The following RPS6KA2 variants were observed in gnomAD, a reference collection of about 807,000 sequenced individuals.
RPS6KA2 encodes the protein ribosomal protein S6 kinase alpha-2.
In RPS6KA2, 42 loss-of-function variants were observed where a neutral mutation model predicts 91.8. That is an observed-to-expected ratio of 0.46 (90% CI 0.36 to 0.59). RPS6KA2 has a LOEUF of 0.59. Among genes scored for constraint, RPS6KA2 ranks in the 20% least tolerant of loss-of-function variants. RPS6KA2 has a pLI of 0.00. For synonymous variants in RPS6KA2, 414 were observed against 393.6 expected (o/e 1.05, Z -0.61); for missense variants, 798 against 978.5 (o/e 0.82, Z 2.46).
chr6:166,556,080 G>A (rs57647994), intron 1 of RPS6KA2, among the ~76,000 whole-genome samples: 7,683 of 152,240 alleles, frequency 0.05, 657 homozygotes, highest in African/African-American at 0.17. Context: ...TAATCCAGGG[G>A]TTATCCATAT....
At chr6:166,618,854 G>A (rs1195019261) in intron 1 of RPS6KA2, among the ~76,000 whole-genome samples, 3 of 152,226 alleles carry the variant, frequency 2.0e-5, no homozygotes, top group Non-Finnish European at 4.4e-5. Context: ...GCAGTACGAC[G>A]CGCTCAGGAA....
chr6:166,652,196 G>A (rs563305254), intron 2 of RPS6KA2, among the ~76,000 whole-genome samples: 18 of 152,326 alleles, frequency 1.2e-4, no homozygotes, highest in African/African-American at 2.9e-4. Flanking sequence ...TGAGCCATTC[G>A]CGGGTATTAT....
At chr6:166,765,202 T>C (rs1778279083) in intron 2 of RPS6KA2, among the ~76,000 whole-genome samples, 5 of 152,186 alleles carry the variant, frequency 3.3e-5, no homozygotes. Flanking sequence ...GTGTGCAGCA[T>C]CTCTGGACTC....
At chr6:166,531,470 C>T (rs751537651) in intron 2 of RPS6KA2, among the ~76,000 whole-genome samples, 157 bp from the exon 3 acceptor site, 7 of 152,188 alleles carry the variant, frequency 4.6e-5, no homozygotes, top group East Asian at 1.9e-4. Flanking sequence ...TCAAGGCTGC[C>T]GGAAAATGCT....
At chr6:166,506,741 C>T (rs1562541966) in intron 5 of RPS6KA2, among the ~76,000 whole-genome samples, 2 of 151,898 alleles carry the variant, frequency 1.3e-5, no homozygotes, top group Non-Finnish European at 2.9e-5. Flanking sequence ...TCATTTGGGG[C>T]TTTGTGCAAG....
chr6:166,441,977 G>A (rs966412520), intron 14 of RPS6KA2, among the ~76,000 whole-genome samples: 1 of 152,188 alleles, frequency 6.6e-6, no homozygotes, highest in African/African-American at 2.4e-5. Context: ...TCCGGCTGCC[G>A]CTCAGCACTT....
intron 1 of RPS6KA2, among the ~76,000 whole-genome samples, chr6:166,541,038 A>G (rs1783636891): frequency 6.6e-6 from 1 of 152,248 alleles, no homozygotes; most frequent in African/African-American, 2.4e-5. Flanking sequence ...CAATGGGTCC[A>G]TTAACATCCT....
rs192843324 is a variant in RPS6KA2, at chr6:166,588,648, A to G, written c.99+38273T>C. ...TAATTCCTATTTGTACAGAAAAACA[A>G]TCAAAGGTGGAACTAGATCGTCTGA... On this transcript the variant is annotated intron_variant, in intron 1 of 20. Transcript: ENST00000265678. 2.5e-3 allele frequency among the ~76,000 whole-genome samples: 376 copies of G among 152,302 alleles called. 3 individuals are homozygous for G. Among genetic ancestry groups the G allele is most frequent in the Non-Finnish European group, 2.6e-3 (175 of 68,022 alleles).
intron 2 of RPS6KA2, among the ~76,000 whole-genome samples, chr6:166,778,737 G>A (rs2128609558): frequency 6.6e-6 from 1 of 152,304 alleles, no homozygotes; most frequent in South Asian, 2.1e-4. Flanking sequence ...TTGCACTCCA[G>A]CCCGGGTGAC....
chr6:166,705,701 TA>T (rs1424260640), intron 2 of RPS6KA2, among the ~76,000 whole-genome samples: 10 of 152,330 alleles, frequency 6.6e-5, no homozygotes, highest in African/African-American at 2.4e-4. Flanking sequence ...GACACAATCC[TA>T]GACATAGACA....
chr6:166,519,662 C>A (rs1782778732), intron 3 of RPS6KA2, among the ~76,000 whole-genome samples: 1 of 152,176 alleles, frequency 6.6e-6, no homozygotes, highest in Non-Finnish European at 1.5e-5. Flanking sequence ...TGGTTTCCTT[C>A]CCAGGAAAAC....
intron 10 of RPS6KA2, among the ~76,000 whole-genome samples, chr6:166,470,632 C>CA (rs1472255473): frequency 6.6e-6 from 1 of 152,166 alleles, no homozygotes; most frequent in Non-Finnish European, 1.5e-5. Flanking sequence ...GATACATGTC[C>CA]ACTCATCTGC....
chr6:166,657,339 A>G (rs910599324), intron 2 of RPS6KA2, among the ~76,000 whole-genome samples: 2 of 133,312 alleles, frequency 1.5e-5, no homozygotes, highest in Non-Finnish European at 3.2e-5. Flanking sequence ...ACAAAACAGA[A>G]CAAAAAAAAA....
At chr6:166,487,487 C>T (rs1781451154) in intron 10 of RPS6KA2, among the ~76,000 whole-genome samples, 3 of 150,038 alleles carry the variant, frequency 2.0e-5, no homozygotes, top group Admixed American at 2.0e-4. Context: ...GCTGAGTGGA[C>T]AAAGGCGCTG....
chr6:166,459,688 G>A lies in RPS6KA2; in HGVS notation c.973-137C>T. ...CTGCATTGGCCTTGTGGATTACAAG[G>A]GATTTCTAAATACTCTGAAATATAG... On this transcript the variant is annotated intron_variant, in intron 11 of 20. Transcript: ENST00000265678. This position sits in a 1 kb window ranked among gnomAD's most constrained non-coding sequence, Gnocchi z 4.9. 7 of 604,440 alleles carry A rather than the reference G, an allele frequency of 1.2e-5. No homozygotes were observed. The highest frequency in any genetic ancestry group is 2.0e-5 in the South Asian group (1 of 49,164). 37.4% of individuals were successfully genotyped at this position (604,440 alleles called of 1,614,324 possible). A position where few individuals can be genotyped will look rare whatever the true frequency, so the allele number is the denominator to read the frequency against.
chr6:166,639,081 C>T lies in RPS6KA2; in HGVS notation c.124-100297G>A. ...CAATATGTGGAAGGGCTTTATAAAT[C>T]ATAAGGTGCTCAATGGAGTTATTCG... On this transcript the variant is annotated intron_variant, in intron 2 of 21. Transcript: ENST00000503859. The surrounding 1 kb of genome is among the most constrained non-coding windows in gnomAD (Gnocchi z 4.2). 6.6e-6 allele frequency among the ~76,000 whole-genome samples: 1 copy of T among 152,150 alleles called. No homozygotes were observed. The highest frequency in any genetic ancestry group is 1.9e-4 in the East Asian group (1 of 5,194).
intron 13 of RPS6KA2, among the ~76,000 whole-genome samples, chr6:166,450,140 AACCACCACAGGG>A (rs1779835957): frequency 7.2e-6 from 1 of 138,792 alleles, no homozygotes; most frequent in South Asian, 2.4e-4. Flanking sequence ...CCACCATGGG[AACCACCACAGGG>A]ACCACCAGGG....
intron 1 of RPS6KA2, among the ~76,000 whole-genome samples, chr6:166,613,563 C>T (rs1395188792): frequency 6.6e-6 from 1 of 152,176 alleles, no homozygotes; most frequent in East Asian, 1.9e-4. Flanking sequence ...TTTGATTTTT[C>T]TGTCATGTAT....
chr6:166,813,697 C>G (rs533358926), intron 2 of RPS6KA2, among the ~76,000 whole-genome samples: 1 of 152,188 alleles, frequency 6.6e-6, no homozygotes, highest in Non-Finnish European at 1.5e-5. Flanking sequence ...CTGTGTCCAC[C>G]GTCACGAGGC....
Sources: gnomAD v4.1 joint callset for allele counts (sites outside exome capture counted in the v4.1 genomes callset) on GRCh38, gnomAD v4.1.1 for gene constraint, Gnocchi (gnomAD v3.1) non-coding constraint, MANE v1.5 for transcripts, NCBI Gene and HGNC (gene_info 2026-07-23, HGNC 2026-07-21) for gene names.